HIVEP1: variants seen among roughly 807,000 people sequenced by gnomAD.
HIVEP1 encodes the protein zinc finger protein 40.
A neutral mutation model predicts 180.0 loss-of-function variants in HIVEP1; 36 were observed. The ratio of observed to expected loss-of-function variants is 0.20; its 90% CI spans 0.15 to 0.26. The LOEUF is 0.26. HIVEP1 is among the 10% of genes least tolerant of loss of function. The probability of loss-of-function intolerance (pLI) is 1.00; values close to 1 mark genes in which losing one functional copy is unlikely to be tolerated. For synonymous variants in HIVEP1, 1,239 were observed against 1,239.0 expected, an observed-to-expected ratio of 1.00 and a Z score of 0.00; for missense variants, 3,143 against 3,268.7, an observed-to-expected ratio of 0.96 and a Z score of 0.94.
At chr6:12,184,042 C>T in the HIVEP1 span, among the ~76,000 whole-genome samples, 31 of 147,382 alleles carry the variant, frequency 2.1e-4, no homozygotes, top group African/African-American at 8.3e-4. Flanking sequence ...GACAGACAGA[C>T]AGACAGACAG....
chr6:12,024,133 A>G (rs1768426862), intron 2 of HIVEP1, among the ~76,000 whole-genome samples: 1 of 152,192 alleles, frequency 6.6e-6, no homozygotes, highest in Non-Finnish European at 1.5e-5. Flanking sequence ...TAGCACAAAA[A>G]CTTATAACCA....
chr6:12,071,971 C>G (rs983851819), intron 2 of HIVEP1, among the ~76,000 whole-genome samples: 1 of 152,048 alleles, frequency 6.6e-6, no homozygotes, highest in African/African-American at 2.4e-5. Flanking sequence ...TTGCCTCTGT[C>G]TTTTTCTTCT....
Position 12,159,023 on chromosome 6 carries a change from C to CTTGACTCTAACCAGATA in HIVEP1, c.6488-2415_6488-2399dup, listed in dbSNP as rs368389131. 8.1e-3 allele frequency among the ~76,000 whole-genome samples: 1,239 copies of CTTGACTCTAACCAGATA among 152,256 alleles called. 23 individuals carry two copies. The highest frequency in any genetic ancestry group is 0.028 in the African/African-American group (1,169 of 41,520). ...TTTCACACAATCTTGGCAGCCCACT[C>CTTGACTCTAACCAGATA]TTGACTCTAACCAGATACTTGAGCG... On this transcript the variant is annotated intron_variant, in intron 7 of 8. Coordinates refer to ENST00000379388, the MANE Select transcript of HIVEP1 (RefSeq NM_002114.4).
chr6:12,098,534 C>T (rs1253854294), intron 3 of HIVEP1, among the ~76,000 whole-genome samples: 2 of 152,130 alleles, frequency 1.3e-5, no homozygotes, highest in African/African-American at 4.8e-5. Context: ...TTAGGCTTTT[C>T]CCCAGGTTTG....
At chr6:12,197,524 G>C in the HIVEP1 span, among the ~76,000 whole-genome samples, 1 of 141,870 alleles carries the variant, frequency 7.0e-6, no homozygotes, top group East Asian at 2.1e-4. Flanking sequence ...CTGCACTCCA[G>C]CCTGGACAAC....
chr6:12,173,094 G>T, the HIVEP1 span, among the ~76,000 whole-genome samples: 1 of 152,066 alleles, frequency 6.6e-6, no homozygotes, highest in African/African-American at 2.4e-5. Context: ...TTCTAATCAA[G>T]CATAACACAT....
chr6:12,008,485 G>C (rs1218358712), upstream of HIVEP1: 1 of 152,378 alleles, frequency 6.6e-6, no homozygotes, highest in Middle Eastern at 3.4e-3. Context: ...CACTAGAGGG[G>C]TGGATTGTTC....
chr6:12,040,416 A>C (rs1193826053), intron 2 of HIVEP1, among the ~76,000 whole-genome samples: 2 of 152,228 alleles, frequency 1.3e-5, no homozygotes, highest in Non-Finnish European at 2.9e-5. Flanking sequence ...TAATAAAGAT[A>C]CAGGTAGATT....
At position 12,029,566 on chromosome 6, in the gene HIVEP1, CTTTT is replaced by C. The variant is rs1219362834; in HGVS notation, c.40+13901_40+13904del. On this transcript the variant is annotated intron_variant, in intron 2 of 8. Coordinates refer to ENST00000379388, the MANE Select transcript of HIVEP1 (RefSeq NM_002114.4). The stretch of plus-strand genomic sequence containing the variant: ...TAGTGTATGATTTTGATTTCTCTTT[CTTTT>C]TTGTTTTTACTATACTTTTGATTAA... Among the ~76,000 whole-genome samples the C allele has an allele frequency of 2.0e-5, 3 of 151,904 alleles. No individual in the cohort carries two copies. The East Asian group carries it at 5.8e-4, about 29-fold the overall frequency.
At chr6:12,108,750 C>T (rs544211769) in intron 3 of HIVEP1, among the ~76,000 whole-genome samples, 4 of 152,288 alleles carry the variant, frequency 2.6e-5, no homozygotes, top group East Asian at 3.9e-4. Flanking sequence ...CGCGCACCCC[C>T]GGTTCCCGCT....
At chr6:12,167,891 T>C (rs1299616983), downstream of HIVEP1, among the ~76,000 whole-genome samples, 2 of 143,330 alleles carry the variant, frequency 1.4e-5, no homozygotes, top group African/African-American at 5.1e-5. Flanking sequence ...TGTATAGATG[T>C]GCGTATATAA....
intron 2 of HIVEP1, among the ~76,000 whole-genome samples, chr6:12,041,659 ATTGT>A (rs146050433): frequency 0.043 from 6,558 of 152,040 alleles, 180 homozygotes; most frequent in Middle Eastern, 0.15. Context: ...GAACAAATTA[ATTGT>A]TTGTTTGTTT....
rs924180650 is a variant in HIVEP1, at chr6:12,092,892, C to T, written c.94+3655C>T. On this transcript the variant is annotated intron_variant, in intron 3 of 8. Coordinates refer to ENST00000379388, the MANE Select transcript of HIVEP1 (RefSeq NM_002114.4). ...TGCCGAGCAGTGTGAGCAGCAAGCT[C>T]GTACAGGCTGAACTCGCAAGCAAAG... is the stretch of plus-strand genomic sequence containing the variant. 1.2e-4 allele frequency among the ~76,000 whole-genome samples: 18 copies of T among 152,312 alleles called. No individual in the cohort carries two copies. The Middle Eastern group carries it at 0.01, about 86-fold the overall frequency.
intron 2 of HIVEP1, chr6:12,037,946 C>G: frequency 2.6e-6 from 1 of 388,960 alleles, no homozygotes; most frequent in Non-Finnish European, 4.5e-6. Context: ...AACTCCCAGC[C>G]TCAAGTGAAC....
Position 12,130,890 on chromosome 6 carries a change from A to G in HIVEP1, c.6333A>G (p.Thr2111=). 1 of 1,613,280 alleles carries G rather than the reference A, an allele frequency of 6.2e-7. No homozygotes were observed. The highest frequency in any genetic ancestry group is 1.1e-5 in the South Asian group (1 of 91,038). ...TAAAGAAACACATACGAACCCATAC[A>G]GATGTCCGCCCCTACCACTGCACTT... ...SMLKKHIRTH[T]DVRPYHCTYC... The change falls in exon 6 of 9, where the codon ACA becomes ACG. Residue 2111 remains threonine (T), a synonymous_variant. Coordinates refer to ENST00000379388, the MANE Select transcript of HIVEP1 (RefSeq NM_002114.4).
intron 2 of HIVEP1, among the ~76,000 whole-genome samples, chr6:12,068,154 G>A (rs987863992): frequency 9.2e-5 from 14 of 152,054 alleles, no homozygotes; most frequent in Admixed American, 2.0e-4. Context: ...ACAGTGGCAC[G>A]ATCTTGGCTC....
intron 2 of HIVEP1, among the ~76,000 whole-genome samples, chr6:12,086,007 T>C (rs1773091708): frequency 6.6e-6 from 1 of 152,188 alleles, no homozygotes. Context: ...ATCATTTTCT[T>C]ACACAAAATT....
intron 7 of HIVEP1, among the ~76,000 whole-genome samples, chr6:12,137,975 TATATTTTTTAAAA>T (rs1255967813): frequency 6.6e-6 from 1 of 152,212 alleles, no homozygotes; most frequent in Non-Finnish European, 1.5e-5. Flanking sequence ...ACAAATTCAA[TATATTTTTTAAAA>T]ACCAGCTCAG....
At chr6:12,031,603 C>T (rs184258917) in intron 2 of HIVEP1, among the ~76,000 whole-genome samples, 1 of 152,246 alleles carries the variant, frequency 6.6e-6, no homozygotes, top group East Asian at 1.9e-4. Context: ...CCCAGCTTTC[C>T]CCTCTTGGTT....
Sources: allele counts gnomAD v4.1 joint callset (sites outside exome capture counted in the v4.1 genomes callset), GRCh38; gene constraint gnomAD v4.1.1; transcripts MANE v1.5; gene names NCBI Gene and HGNC (gene_info 2026-07-23, HGNC 2026-07-21).